Variants in ATAD2B observed in about 807,000 individuals in gnomAD.
ATAD2B encodes the protein ATPase family AAA domain containing 2B.
In ATAD2B, 40 loss-of-function variants were observed where a neutral mutation model predicts 167.6. That is an observed-to-expected ratio of 0.24 (90% CI 0.19 to 0.31). ATAD2B has a LOEUF of 0.31. Among genes scored for constraint, ATAD2B ranks in the 10% least tolerant of loss-of-function variants. ATAD2B has a pLI of 1.00. For synonymous variants in ATAD2B, 579 were observed against 596.5 expected (o/e 0.97, Z 0.43); for missense variants, 1,242 against 1,757.2 (o/e 0.71, Z 5.24).
At position 23,757,439 on chromosome 2, in the gene ATAD2B, C is replaced by A; in HGVS notation, c.4057G>T (p.Asp1353Tyr). 1.3e-6 allele frequency: 2 copies of A among 1,507,900 alleles called. No homozygotes were observed. The highest frequency in any genetic ancestry group is 1.8e-6 in the Non-Finnish European group (2 of 1,132,982). The allele number at this position is 1,507,900 out of a possible 1,614,324, so 93.4% of individuals were successfully genotyped here. A position where few individuals can be genotyped will look rare whatever the true frequency, so the allele number is the denominator to read the frequency against. ...LEPGSDVEVK[D>Y]AELDKEGASK... ...CTACCTTCTTTATCCAGTTCTGCATCTTTAACCTCCACATCAGAGCCAGGT... is the reference window on the plus strand; with the variant it reads ...CTACCTTCTTTATCCAGTTCTGCATATTTAACCTCCACATCAGAGCCAGGT... Residue 1353 changes from aspartate to tyrosine, a missense_variant, in exon 25 of 28, where the codon GAT (aspartate) becomes TAT (tyrosine). Asp to Tyr is a radical substitution (Grantham distance 160, BLOSUM62 -3). Around this residue, in one of 9 missense-constraint regions of ATAD2B, gnomAD observed 282 missense variants for 346.8 expected, o/e 0.81. Transcript: ENST00000238789.
Position 23,880,631 on chromosome 2 carries a change from T to C in ATAD2B, c.901+8A>G, listed in dbSNP as rs1378581748. 1 of 1,512,226 alleles carries C rather than the reference T, an allele frequency of 6.6e-7. No individual in the cohort carries two copies. The highest frequency in any genetic ancestry group is 1.9e-5 in the Admixed American group (1 of 51,544). The allele number at this position is 1,512,226 out of a possible 1,614,324, so 93.7% of individuals were successfully genotyped here. On this transcript the variant is annotated splice_region_variant and intron_variant, in intron 7 of 27. Transcript: ENST00000238789. ...CCAGAAAGAAAAAAGTTATTTAGAG[T>C]TGCCTACCTATTGGAGGTGCTTGGT...
At chr2:23,815,097 A>G (rs1686236700) in intron 17 of ATAD2B, among the ~76,000 whole-genome samples, 2 of 152,184 alleles carry the variant, frequency 1.3e-5, no homozygotes, top group African/African-American at 4.8e-5. Context: ...ACTGAAGACA[A>G]TGGGGAAGCA....
chr2:23,775,043 A>G (rs374085739), intron 22 of ATAD2B, among the ~76,000 whole-genome samples: 2 of 152,204 alleles, frequency 1.3e-5, no homozygotes, highest in East Asian at 3.8e-4. Flanking sequence ...AAGGATGAGG[A>G]TAAGTAAACA....
At chr2:23,693,591 G>T in the ATAD2B span, 4 of 1,486,850 alleles carry the variant, frequency 2.7e-6, no homozygotes, top group African/African-American at 4.2e-5. Context: ...CGGCAATGGG[G>T]TCTGCAGCAA....
chr2:23,705,261 G>A, the ATAD2B span, among the ~76,000 whole-genome samples: 1 of 152,206 alleles, frequency 6.6e-6, no homozygotes, highest in Non-Finnish European at 1.5e-5. Context: ...GGGAGGCTGA[G>A]GTGAATGGAT....
chr2:23,824,172 G>A (rs1440228156), intron 15 of ATAD2B, among the ~76,000 whole-genome samples: 1 of 151,920 alleles, frequency 6.6e-6, no homozygotes, highest in Non-Finnish European at 1.5e-5. Flanking sequence ...ACATTGCCTA[G>A]GCTGGTCTCA....
At chr2:23,912,999 A>G (rs1702523724) in intron 1 of ATAD2B, among the ~76,000 whole-genome samples, 1 of 152,234 alleles carries the variant, frequency 6.6e-6, no homozygotes, top group Non-Finnish European at 1.5e-5. Context: ...CTGTCTCAAA[A>G]ATAAATAAAC....
intron 22 of ATAD2B, among the ~76,000 whole-genome samples, chr2:23,775,252 G>A: frequency 7.1e-6 from 1 of 141,372 alleles, no homozygotes. Context: ...GTCTTGCTCT[G>A]TCTCCAGGCT....
intron 1 of ATAD2B, among the ~76,000 whole-genome samples, chr2:23,908,482 AAAC>A (rs1265772720): frequency 1.3e-5 from 2 of 152,174 alleles, no homozygotes; most frequent in Non-Finnish European, 2.9e-5. Context: ...AAAAGTCAGA[AAAC>A]AACAGGTGCT....
chr2:23,710,483 A>C, the ATAD2B span, among the ~76,000 whole-genome samples: 1 of 152,198 alleles, frequency 6.6e-6, no homozygotes, highest in Non-Finnish European at 1.5e-5. Flanking sequence ...GGTTCTGTCA[A>C]CCAAAACAAC....
At chr2:23,741,090 G>A in the ATAD2B span, among the ~76,000 whole-genome samples, 5 of 152,082 alleles carry the variant, frequency 3.3e-5, no homozygotes, top group South Asian at 6.2e-4. Context: ...ATGCTCATGG[G>A]TAGGAAGAAT....
chr2:23,678,126 C>T, the ATAD2B span, among the ~76,000 whole-genome samples: 16 of 152,198 alleles, frequency 1.1e-4, no homozygotes, highest in Admixed American at 6.5e-5. Context: ...TAACTTGTGT[C>T]GTTTGGTGAA....
chr2:23,888,367 T>C lies in ATAD2B; in HGVS notation c.401A>G (p.Asn134Ser). 1.9e-6 allele frequency: 3 copies of C among 1,592,532 alleles called. No individual in the cohort carries two copies. Among genetic ancestry groups the C allele is most frequent in the Non-Finnish European group, 2.6e-6 (3 of 1,170,042 alleles). The change falls in exon 3 of 28, where the codon AAT (asparagine) becomes AGT (serine). Residue 134 changes from asparagine to serine, a missense_variant. By Grantham distance (46) the Asn-to-Ser change is conservative. Transcript: ENST00000238789. ...ATACTCACATAAGCCACTATGTCCA[T>C]TTGGTAATGTAGCACCAGGCTGAGA... ...LTSQPGATLP[N>S]GHSGLSLRSH...
chr2:23,754,673 G>A lies in ATAD2B; in HGVS notation c.4180C>T (p.Leu1394Phe), dbSNP rs761632115. 1.9e-6 allele frequency: 3 copies of A among 1,612,980 alleles called. No individual in the cohort carries two copies. The highest frequency in any genetic ancestry group is 1.7e-4 in the Middle Eastern group (1 of 6,050). The change falls in exon 26 of 28, where the codon CTT becomes TTT. Residue 1394 changes from leucine (L) to phenylalanine (F), a missense_variant. By Grantham distance (22) the Leu-to-Phe change is conservative. Around this residue, in one of 9 missense-constraint regions of ATAD2B, gnomAD observed 282 missense variants for 346.8 expected, o/e 0.81. Coordinates refer to ENST00000238789, the MANE Select transcript of ATAD2B (RefSeq NM_017552.4). Reference protein sequence around the residue: ...PEEPSEPVPPLIVDRERLKKL... With the variant: ...PEEPSEPVPPFIVDRERLKKL... ...TTCAATCTCTCACGATCAACTATAA[G>A]AGGAGGCACAGGCTCAGATGGCTCT...
chr2:23,708,786 A>G, the ATAD2B span, among the ~76,000 whole-genome samples: 2 of 152,200 alleles, frequency 1.3e-5, no homozygotes, highest in African/African-American at 4.8e-5. Flanking sequence ...CAAGAAGACA[A>G]TTGAAGGTAA....
chr2:23,824,407 A>C (rs1687929386), intron 15 of ATAD2B, among the ~76,000 whole-genome samples: 1 of 152,224 alleles, frequency 6.6e-6, no homozygotes, highest in African/African-American at 2.4e-5. Context: ...TTAACTTCCA[A>C]ACACGTATAA....
chr2:23,836,780 T>C (rs1175664973), intron 13 of ATAD2B, among the ~76,000 whole-genome samples: 1 of 151,550 alleles, frequency 6.6e-6, no homozygotes, highest in Non-Finnish European at 1.5e-5. Flanking sequence ...CTGGAGGGGG[T>C]AGCTCCTCTC....
chr2:23,711,991 C>T, the ATAD2B span, among the ~76,000 whole-genome samples: 3 of 152,222 alleles, frequency 2.0e-5, no homozygotes, highest in African/African-American at 7.2e-5. Flanking sequence ...AGAAAAGTGG[C>T]TTGCCCGGTT....
At chr2:23,781,389 G>T (rs982047304) in intron 22 of ATAD2B, among the ~76,000 whole-genome samples, 4 of 151,146 alleles carry the variant, frequency 2.6e-5, no homozygotes, top group Non-Finnish European at 5.9e-5. Context: ...ATCAGGCTGG[G>T]CACAGTGGCT....
Sources: gnomAD v4.1 joint callset for allele counts (sites outside exome capture counted in the v4.1 genomes callset) on GRCh38, gnomAD v4.1.1 for gene constraint, gnomAD v4.1.1 regional missense constraint, MANE v1.5 for transcripts, NCBI Gene and HGNC (gene_info 2026-07-23, HGNC 2026-07-21) for gene names.